The following DISC1 variants were observed in gnomAD, a reference collection of about 807,000 sequenced individuals.
DISC1 encodes the protein DISC1 scaffold protein, also known as disrupted in schizophrenia 1 protein.
Under a neutral mutation model 84.5 loss-of-function variants are expected in DISC1, and 57 were observed. That is an observed-to-expected ratio of 0.67 (90% CI 0.55 to 0.84). DISC1 has a LOEUF of 0.84. Ranked by LOEUF, DISC1 falls within the 40% of genes least tolerant of loss-of-function variation. The pLI, the probability that DISC1 is intolerant of heterozygous loss-of-function variation, is 0.00. For missense variants in DISC1, 1,000 were observed against 1,057.8 expected (o/e 0.95, Z 0.76); for synonymous variants, 411 against 415.2 (o/e 0.99, Z 0.12).
chr1:232,005,904 A>AAT (rs1667361441), intron 10 of DISC1, among the ~76,000 whole-genome samples: 1 of 147,594 alleles, frequency 6.8e-6, no homozygotes, highest in Non-Finnish European at 1.5e-5. Flanking sequence ...GATGGGAGAA[A>AAT]ATATATATTT....
intron 1 of DISC1, among the ~76,000 whole-genome samples, chr1:231,629,986 C>G (rs2058576032): frequency 6.6e-6 from 1 of 152,162 alleles, no homozygotes; most frequent in Non-Finnish European, 1.5e-5. Flanking sequence ...GGCTGGAGTG[C>G]AGTGGCACGA....
chr1:231,906,340 C>T (rs1257198572), intron 9 of DISC1, among the ~76,000 whole-genome samples: 1 of 152,142 alleles, frequency 6.6e-6, no homozygotes, highest in Non-Finnish European at 1.5e-5. Flanking sequence ...GGATTTTGAT[C>T]CATGAATCAG....
rs528987648 is a variant in DISC1 at position 231,868,211 on chromosome 1, C to CT, written c.1981+49699dup. ...CCTGCCCCAAACCCTCCGTTCTCCC[C>CT]TTTTTAGGTCAGAAGAGATTCTGCT... On this transcript the variant is annotated intron_variant, in intron 9 of 12. Transcript: ENST00000439617. Among the ~76,000 whole-genome samples, 1,319 of 152,298 alleles carry CT rather than the reference C, an allele frequency of 8.7e-3. 14 individuals are homozygous for CT. Among genetic ancestry groups the CT allele is most frequent in the Non-Finnish European group, 0.015 (997 of 68,020 alleles).
chr1:231,988,629 C>G (rs1664784474), intron 10 of DISC1, among the ~76,000 whole-genome samples: 1 of 152,184 alleles, frequency 6.6e-6, no homozygotes, highest in African/African-American at 2.4e-5. Context: ...TACCAGACAT[C>G]AAATTTGCTG....
In DISC1 at chr1:232,009,121, G is replaced by A. The variant is rs772401010; in HGVS notation, c.2307+72G>A. ...GGTGCTTTGGGACCATGCTCCAAAT[G>A]GGAACAATAAATATTGGGAAGGCTT... On this transcript the variant is annotated intron_variant, in intron 11 of 12. Coordinates refer to ENST00000439617, the MANE Select transcript of DISC1 (RefSeq NM_018662.3). The surrounding 1 kb of genome is among the most constrained non-coding windows in gnomAD (Gnocchi z 4.6). 1 of 1,602,690 alleles carries A rather than the reference G, an allele frequency of 6.2e-7. No individual in the cohort carries two copies. Among genetic ancestry groups the A allele is most frequent in the Non-Finnish European group, 8.5e-7 (1 of 1,173,920 alleles).
At chr1:231,977,871 G>A (rs575836246) in intron 10 of DISC1, among the ~76,000 whole-genome samples, 2 of 152,130 alleles carry the variant, frequency 1.3e-5, no homozygotes, top group African/African-American at 4.8e-5. Flanking sequence ...CAGCTATTTA[G>A]TCAGTGTTTC....
intron 8 of DISC1, among the ~76,000 whole-genome samples, 170 bp from the exon 9 acceptor site, chr1:231,818,159 A>G (rs1305424174): frequency 6.6e-6 from 1 of 152,202 alleles, no homozygotes; most frequent in Non-Finnish European, 1.5e-5. Flanking sequence ...AAGGAGAGCA[A>G]TATTTTTCCA....
intron 4 of DISC1, among the ~76,000 whole-genome samples, chr1:231,761,367 A>G (rs2075647192): frequency 6.6e-6 from 1 of 152,260 alleles, no homozygotes; most frequent in South Asian, 2.1e-4. Flanking sequence ...AACATTGCAG[A>G]ACACAGAGGA....
chr1:231,663,944 T>C (rs1247640161), intron 1 of DISC1, among the ~76,000 whole-genome samples: 1 of 152,178 alleles, frequency 6.6e-6, no homozygotes, highest in Non-Finnish European at 1.5e-5. Context: ...AGAAGCATCA[T>C]AGGTATTAAG....
intron 11 of DISC1, among the ~76,000 whole-genome samples, chr1:232,019,357 A>G (rs1668747211): frequency 6.6e-6 from 1 of 152,208 alleles, no homozygotes; most frequent in Admixed American, 6.5e-5. Flanking sequence ...TCAGAAAGGA[A>G]AAAAATAATA....
intron 9 of DISC1, among the ~76,000 whole-genome samples, chr1:231,886,787 CTT>C (rs1491451271): frequency 2.9e-5 from 4 of 136,952 alleles, no homozygotes; most frequent in Non-Finnish European, 6.4e-5. Context: ...TTCTTTCTTT[CTT>C]TCTTTCTTTC....
intron 3 of DISC1, among the ~76,000 whole-genome samples, chr1:231,712,957 C>T (rs2068069403): frequency 6.6e-6 from 1 of 152,124 alleles, no homozygotes; most frequent in South Asian, 2.1e-4. Flanking sequence ...GAAATCCATG[C>T]ATATACTTGG....
chr1:231,839,708 T>A (rs2082892617), intron 9 of DISC1, among the ~76,000 whole-genome samples: 1 of 152,200 alleles, frequency 6.6e-6, no homozygotes. Flanking sequence ...TTATTTGGCT[T>A]ATAGTTCTGC....
At chr1:231,842,860 G>T (rs1036405546) in intron 9 of DISC1, among the ~76,000 whole-genome samples, 2 of 152,188 alleles carry the variant, frequency 1.3e-5, no homozygotes, top group Non-Finnish European at 1.5e-5. Context: ...TTCAAATTTG[G>T]ATACAGGGTT....
chr1:231,741,223 G>A (rs1425411884), intron 3 of DISC1, among the ~76,000 whole-genome samples: 1 of 152,206 alleles, frequency 6.6e-6, no homozygotes, highest in African/African-American at 2.4e-5. Context: ...ACGAGGATGT[G>A]AAATGTAGGA....
intron 9 of DISC1, among the ~76,000 whole-genome samples, chr1:231,914,843 G>A (rs1405507328): frequency 2.6e-5 from 4 of 152,226 alleles, no homozygotes; most frequent in Admixed American, 1.3e-4. Flanking sequence ...CAAAATGAGA[G>A]GCTACTTTTG....
At chr1:231,762,459 C>T (rs1392696846) in intron 4 of DISC1, among the ~76,000 whole-genome samples, 2 of 151,124 alleles carry the variant, frequency 1.3e-5, no homozygotes, top group African/African-American at 4.9e-5. Context: ...TTCAGCCTCC[C>T]AAGTAGCTGG....
intron 9 of DISC1, chr1:231,854,676 T>C (rs889053709): frequency 5.7e-6 from 1 of 175,558 alleles, no homozygotes; most frequent in African/African-American, 2.4e-5. Flanking sequence ...CACCCTGTAC[T>C]TGGAGGTATG....
At chr1:231,706,917 G>A (rs1347106216) in intron 3 of DISC1, among the ~76,000 whole-genome samples, 1 of 152,096 alleles carries the variant, frequency 6.6e-6, no homozygotes, top group Non-Finnish European at 1.5e-5. Context: ...CCTTCACAGG[G>A]AACCTGCCTT....
Sources: allele counts gnomAD v4.1 joint callset (sites outside exome capture counted in the v4.1 genomes callset), GRCh38; gene constraint gnomAD v4.1.1; non-coding constraint Gnocchi (gnomAD v3.1); transcripts MANE v1.5; gene names NCBI Gene and HGNC (gene_info 2026-07-23, HGNC 2026-07-21).